The following ISM2 variants were observed in gnomAD, a reference collection of about 807,000 sequenced individuals.
The protein encoded by ISM2 is isthmin 2, also known as isthmin-2.
ISM2 carries 50 observed loss-of-function variants against 58.0 expected under a neutral mutation model. That is an observed-to-expected ratio of 0.86 (90% CI 0.69 to 1.09). The LOEUF is 1.09. Among genes scored for constraint, ISM2 ranks in the 50% least tolerant of loss-of-function variants. The probability of loss-of-function intolerance (pLI) is 0.00; values close to 1 mark genes in which losing one functional copy is unlikely to be tolerated. For missense variants in ISM2, 723 were observed against 745.0 expected (o/e 0.97, Z 0.34); for synonymous variants, 303 against 312.4 (o/e 0.97, Z 0.32).
chr14:77,476,279 C>T (rs2079098341), intron 6 of ISM2, among the ~76,000 whole-genome samples, 167 bp from the exon 7 acceptor site: 1 of 152,212 alleles, frequency 6.6e-6, no homozygotes, highest in Non-Finnish European at 1.5e-5. Flanking sequence ...TACCCCACAC[C>T]ATCCAGACAA....
At position 77,498,125 on chromosome 14, in the gene ISM2, C is replaced by A. The variant is rs569221347; in HGVS notation, c.141+528G>T. ...TCCTGTTTTATACCCCAATGCCCAC[C>A]CACAGGCCACGAGGACAGAGCCAGT... On this transcript the variant is annotated intron_variant, in intron 1 of 6. Transcript: ENST00000342219. The A allele has an allele frequency of 3.3e-5, 17 of 513,882 alleles. 1 individual carries two copies. The highest frequency in any genetic ancestry group is 3.0e-4 in the South Asian group (15 of 50,828). 31.8% of individuals were successfully genotyped at this position (513,882 alleles called of 1,614,324 possible).
intron 1 of ISM2, among the ~76,000 whole-genome samples, chr14:77,491,973 G>A (rs2057316136): frequency 6.6e-6 from 1 of 151,598 alleles, no homozygotes. Context: ...TAGGATTACA[G>A]GCGTGAGCCA....
rs1300606245 is a variant in ISM2 at position 77,478,557 on chromosome 14, G to T, written c.1114+18C>A. ...GCCGCACCAGCCACTCCTATGCAGG[G>T]GTAGGGGCTCATCTCACCAGGACAG... is the stretch of plus-strand genomic sequence containing the variant. On this transcript the variant is annotated intron_variant, in intron 5 of 6. Transcript: ENST00000342219. 3.7e-6 allele frequency: 6 copies of T among 1,607,946 alleles called. No homozygotes were observed. The highest frequency in any genetic ancestry group is 5.1e-6 in the Non-Finnish European group (6 of 1,175,286).
At chr14:77,494,815 T>C (rs1366302881) in intron 1 of ISM2, among the ~76,000 whole-genome samples, 1 of 152,162 alleles carries the variant, frequency 6.6e-6, no homozygotes, top group African/African-American at 2.4e-5. Flanking sequence ...TCATGAAGAC[T>C]CATGGAACGA....
intron 1 of ISM2, among the ~76,000 whole-genome samples, chr14:77,488,769 A>G (rs1162757346): frequency 6.6e-6 from 1 of 152,226 alleles, no homozygotes; most frequent in African/African-American, 2.4e-5. Flanking sequence ...CTCGCCAGGC[A>G]ACATGCCAGT....
rs142301765 is a variant in ISM2 at position 77,478,710 on chromosome 14, C to T, written c.979G>A (p.Glu327Lys). ...CAGGGACTCCACTCCTTCTGAGGCT[C>T]ATAGTCTGGGTTAAGACAGGGAGTT... is the stretch of plus-strand genomic sequence containing the variant. The part of the protein sequence containing the change: ...VFKDSVSYDY[E>K]PQKEWSPWSP... The change falls in exon 5 of 7, where the codon GAG (glutamate) becomes AAG (lysine). Residue 327 changes from glutamate (E) to lysine (K), a missense_variant. Glu to Lys is a moderately conservative substitution (Grantham distance 56). Coordinates refer to ENST00000342219, the MANE Select transcript of ISM2 (RefSeq NM_199296.3). 5.4e-5 allele frequency: 87 copies of T among 1,612,062 alleles called. No individual in the cohort carries two copies. In the African/African-American group the frequency reaches 9.7e-4, roughly 18 times the overall value.
intron 1 of ISM2, chr14:77,498,135 C>T: frequency 3.3e-6 from 2 of 611,192 alleles, no homozygotes; most frequent in Non-Finnish European, 4.8e-6. Context: ...CCACAGGCCA[C>T]GAGGACAGAG....
chr14:77,481,677 G>A (rs529420166), intron 4 of ISM2, among the ~76,000 whole-genome samples: 5 of 152,254 alleles, frequency 3.3e-5, no homozygotes, highest in Non-Finnish European at 7.4e-5. Flanking sequence ...GGTCAGTCAT[G>A]AGTGATGGAA....
chr14:77,478,390 AC>A (rs1181650689), intron 5 of ISM2, 65 bp from the exon 6 acceptor site: 29 of 1,479,346 alleles, frequency 2.0e-5, no homozygotes, highest in East Asian at 4.5e-5. Flanking sequence ...TGATGGGGAA[AC>A]CCCCCCACCT....
At chr14:77,485,440 C>T (rs938415337) in intron 1 of ISM2, among the ~76,000 whole-genome samples, 7 of 152,254 alleles carry the variant, frequency 4.6e-5, no homozygotes, top group Admixed American at 3.9e-4. Context: ...TGTGTTCCTC[C>T]GCCTGCCTGC....
chr14:77,484,672 C>G lies in ISM2; in HGVS notation c.384+5G>C. On this transcript the variant is annotated splice_donor_5th_base_variant and intron_variant, in intron 2 of 6. Transcript: ENST00000342219. ...AGGAGCTGCTGGCCCTTCTGTAGCT[C>G]TCACCTGGGTATCAGGGTTAGGGGT... 4 of 1,606,586 alleles carry G rather than the reference C, an allele frequency of 2.5e-6. No individual in the cohort carries two copies. The highest frequency in any genetic ancestry group is 3.4e-6 in the Non-Finnish European group (4 of 1,178,090).
At chr14:77,481,936 C>T (rs1430689779) in intron 4 of ISM2, among the ~76,000 whole-genome samples, 3 of 150,972 alleles carry the variant, frequency 2.0e-5, no homozygotes, top group Non-Finnish European at 4.4e-5. Flanking sequence ...CTCATCACTA[C>T]TAAAAATAAA....
intron 4 of ISM2, 61 bp downstream of exon 4, chr14:77,482,261 C>T: frequency 1.5e-6 from 2 of 1,324,216 alleles, no homozygotes; most frequent in South Asian, 1.3e-5. Flanking sequence ...CTCCCTCACC[C>T]CCATTTCCAC....
chr14:77,496,473 A>G (rs1210745171), intron 1 of ISM2, among the ~76,000 whole-genome samples: 1 of 146,952 alleles, frequency 6.8e-6, no homozygotes, highest in Non-Finnish European at 1.5e-5. Flanking sequence ...GGGCAACAAG[A>G]GCAAAACTCC....
rs1239397092 is a variant in ISM2, at chr14:77,482,599, A to G, written c.696T>C (p.Asn232=). The change falls in exon 4 of 7, where the codon AAT becomes AAC. Residue 232 remains asparagine, a synonymous_variant. Coordinates refer to ENST00000342219, the MANE Select transcript of ISM2 (RefSeq NM_199296.3). ...AGCTAAGGGTATCCTGGGGCGGGGG[A>G]TTGCTGGGCTCAGCCAACAGGTCTA... ...VSIDLLAEPS[N]PPPQDTLSWL... is the part of the protein sequence containing the mutation. 1.2e-6 allele frequency: 2 copies of G among 1,609,226 alleles called. No individual in the cohort carries two copies. The highest frequency in any genetic ancestry group is 8.5e-7 in the Non-Finnish European group (1 of 1,177,768).
At chr14:77,484,288 G>A (rs568223920) in intron 3 of ISM2, 35 bp downstream of exon 3, 4 of 1,598,908 alleles carry the variant, frequency 2.5e-6, no homozygotes, top group African/African-American at 1.3e-5. Flanking sequence ...CTCTCCGGGT[G>A]TCTGCAGGGC....
chr14:77,474,394 T>A lies in ISM2; in HGVS notation c.*1201A>T, dbSNP rs2079083541. ...GCCCGAAAGTCTTCATCAGGCAGAATTTGAAAATAAAGTGCTTTATTGCTG... is the reference window on the plus strand; with the variant it reads ...GCCCGAAAGTCTTCATCAGGCAGAAATTGAAAATAAAGTGCTTTATTGCTG... On this transcript the variant is annotated 3_prime_UTR_variant, in exon 7 of 7. Transcript: ENST00000342219. 1 of 152,196 alleles carries A rather than the reference T, an allele frequency of 6.6e-6. No homozygotes were observed. The highest frequency in any genetic ancestry group is 6.5e-5 in the Admixed American group (1 of 15,272). 9.4% of individuals were successfully genotyped at this position (152,196 alleles called of 1,614,324 possible).
chr14:77,492,285 A>T (rs570707218), intron 1 of ISM2, among the ~76,000 whole-genome samples: 137 of 152,214 alleles, frequency 9.0e-4, no homozygotes, highest in African/African-American at 3.2e-3. Context: ...TTAGGTGCCC[A>T]GGGGCTCTGG....
chr14:77,486,413 C>A (rs2079168207), intron 1 of ISM2, among the ~76,000 whole-genome samples: 1 of 152,208 alleles, frequency 6.6e-6, no homozygotes, highest in Non-Finnish European at 1.5e-5. Flanking sequence ...CCCATCTCGG[C>A]CCCAGCCTGG....
Sources: allele counts gnomAD v4.1 joint callset (sites outside exome capture counted in the v4.1 genomes callset), GRCh38; gene constraint gnomAD v4.1.1; transcripts MANE v1.5; gene names NCBI Gene and HGNC (gene_info 2026-07-23, HGNC 2026-07-21).